Variants in PCSK5 observed in about 807,000 individuals in gnomAD.
PCSK5 encodes prohormone convertase 5.
A neutral mutation model predicts 233.2 loss-of-function variants in PCSK5; 129 were observed. That is an observed-to-expected ratio of 0.55 (90% CI 0.48 to 0.64). The LOEUF (loss-of-function observed/expected upper bound fraction) is 0.64, where lower values mean the gene tolerates loss of function less well. Ranked by LOEUF, PCSK5 falls within the 30% of genes least tolerant of loss-of-function variation. The pLI is 0.00. For synonymous variants in PCSK5, 825 were observed against 879.2 expected, an observed-to-expected ratio of 0.94 and a Z score of 1.09; for missense variants, 2,076 against 2,430.1, an observed-to-expected ratio of 0.85 and a Z score of 3.06.
At chr9:76,338,191 A>C (rs755483507) in intron 34 of PCSK5, 39 bp from the exon 35 acceptor site, 4 of 1,466,592 alleles carry the variant, frequency 2.7e-6, no homozygotes, top group Admixed American at 3.7e-5. Flanking sequence ...TTTAGGAGCA[A>C]AGCTTACTAT....
At chr9:76,008,937 T>G (rs1220157129) in intron 3 of PCSK5, among the ~76,000 whole-genome samples, 1 of 152,224 alleles carries the variant, frequency 6.6e-6, no homozygotes, top group African/African-American at 2.4e-5. Flanking sequence ...AAGCAATGAA[T>G]AACTTTTTAG....
intron 6 of PCSK5, among the ~76,000 whole-genome samples, chr9:76,069,215 T>A (rs573837870): frequency 6.6e-6 from 1 of 152,216 alleles, no homozygotes; most frequent in Non-Finnish European, 1.5e-5. Flanking sequence ...AAATTCTTCG[T>A]TCCCTGAAGA....
At chr9:76,076,123 T>C (rs1347502386) in intron 7 of PCSK5, among the ~76,000 whole-genome samples, 1 of 152,152 alleles carries the variant, frequency 6.6e-6, no homozygotes, top group Non-Finnish European at 1.5e-5. Context: ...GCCCATCATA[T>C]GAAGAACTAT....
chr9:76,114,034 G>C (rs1400943111), intron 9 of PCSK5, among the ~76,000 whole-genome samples: 1 of 152,008 alleles, frequency 6.6e-6, no homozygotes, highest in Non-Finnish European at 1.5e-5. Context: ...TAAAGAAGCA[G>C]GTATTCCACA....
chr9:76,295,270 T>C lies in PCSK5; in HGVS notation c.3186-5T>C, dbSNP rs1406014528. 8.1e-6 allele frequency: 13 copies of C among 1,607,804 alleles called. No homozygotes were observed. Among genetic ancestry groups the C allele is most frequent in the Non-Finnish European group, 1.1e-5 (13 of 1,177,104 alleles). On this transcript the variant is annotated splice_region_variant and splice_polypyrimidine_tract_variant and intron_variant, in intron 25 of 37. Transcript: ENST00000674117. ...CATGAAAGAAATGATGTCTTCTTCC[T>C]CTAGGTTTGATCACCATTGTTATAA...
At chr9:76,332,165 T>G (rs1348242073) in intron 33 of PCSK5, among the ~76,000 whole-genome samples, 1 of 152,032 alleles carries the variant, frequency 6.6e-6, no homozygotes, top group Non-Finnish European at 1.5e-5. Flanking sequence ...TCTGATGAGA[T>G]GAGATGGGAT....
At chr9:76,149,473 TTAAA>T (rs570223874) in intron 10 of PCSK5, among the ~76,000 whole-genome samples, 30 of 152,260 alleles carry the variant, frequency 2.0e-4, no homozygotes, top group African/African-American at 7.0e-4. Context: ...TAAAGGAAAA[TTAAA>T]TAAAGAATTA....
intron 6 of PCSK5, among the ~76,000 whole-genome samples, chr9:76,068,874 T>A (rs911404629): frequency 2.0e-5 from 3 of 152,162 alleles, no homozygotes; most frequent in African/African-American, 7.2e-5. Flanking sequence ...CAGATTGACC[T>A]CCTTGTTTCC....
At position 75,985,079 on chromosome 9, in the gene PCSK5, C is replaced by A. The variant is rs2131390894; in HGVS notation, c.298-1053C>A. Among the ~76,000 whole-genome samples the A allele has an allele frequency of 2.0e-5, 3 of 152,238 alleles. 1 individual carries two copies. Among genetic ancestry groups the A allele is most frequent in the African/African-American group, 7.2e-5 (3 of 41,560 alleles). On this transcript the variant is annotated intron_variant, in intron 2 of 37. Transcript: ENST00000674117. ...AATGGTAGAACAAAACATTCCAGAG[C>A]ATTGTGACTAAATGAGCTATCACCA...
rs111537842 is a variant in PCSK5, at chr9:76,096,214, C to G, written c.1107+112C>G. On this transcript the variant is annotated intron_variant, in intron 8 of 37. Transcript: ENST00000674117. ...ATACACACACACACACACACACACA[C>G]AGAAGTAATATATGGAAATAGGAAA... The G allele has an allele frequency of 1.2e-4, 80 of 677,722 alleles. No homozygotes were observed. The African/African-American group carries it at 1.2e-3, about 11-fold the overall frequency. The allele number at this position is 677,722 out of a possible 1,614,324, so 42.0% of individuals were successfully genotyped here.
intron 5 of PCSK5, among the ~76,000 whole-genome samples, chr9:76,030,390 A>G (rs1188567979): frequency 6.6e-6 from 1 of 152,198 alleles, no homozygotes; most frequent in Non-Finnish European, 1.5e-5. Context: ...AAATCAAGAT[A>G]ACAATTATCT....
chr9:76,285,080 G>A lies in PCSK5; in HGVS notation c.3143-7153G>A, dbSNP rs992540763. ...ATGGAGCTTAGAACTTTAGATTTCT[G>A]TTGTTGATTGAGATTGGAGAGTGGC... On this transcript the variant is annotated intron_variant, in intron 24 of 37. Transcript: ENST00000674117. Among the ~76,000 whole-genome samples the A allele has an allele frequency of 3.6e-4, 55 of 152,270 alleles. 1 individual carries two copies. Among genetic ancestry groups the A allele is most frequent in the African/African-American group, 1.3e-3 (55 of 41,562 alleles).
chr9:76,243,546 C>T (rs1040151302), intron 24 of PCSK5, among the ~76,000 whole-genome samples: 1 of 120,692 alleles, frequency 8.3e-6, no homozygotes, highest in African/African-American at 2.9e-5. Flanking sequence ...TGGCTGAACC[C>T]AATTGTCACC....
At chr9:76,323,029 T>C in intron 31 of PCSK5, 23 bp from the exon 32 acceptor site, 2 of 1,365,524 alleles carry the variant, frequency 1.5e-6, no homozygotes, top group Non-Finnish European at 1.0e-6. Context: ...CGGGGATAAC[T>C]TGCTGCTTCC....
At chr9:76,034,055 G>A (rs1828753432) in intron 5 of PCSK5, among the ~76,000 whole-genome samples, 1 of 152,160 alleles carries the variant, frequency 6.6e-6, no homozygotes, top group South Asian at 2.1e-4. Flanking sequence ...GCATTACACT[G>A]AAGTAAGTAA....
At chr9:76,179,778 G>C in intron 15 of PCSK5, 80 bp downstream of exon 15, 2 of 956,542 alleles carry the variant, frequency 2.1e-6, no homozygotes, top group Non-Finnish European at 3.4e-6. Flanking sequence ...ACCATGGGGT[G>C]TGTGCAGGCC....
intron 24 of PCSK5, among the ~76,000 whole-genome samples, chr9:76,267,176 G>C (rs1389032950): frequency 6.6e-6 from 1 of 152,118 alleles, no homozygotes; most frequent in East Asian, 1.9e-4. Context: ...TTCTAAAATG[G>C]AGCTCTTATT....
intron 20 of PCSK5, among the ~76,000 whole-genome samples, chr9:76,208,759 T>C (rs1236809134): frequency 6.6e-6 from 1 of 152,244 alleles, no homozygotes; most frequent in Non-Finnish European, 1.5e-5. Flanking sequence ...CAGAGAAGAA[T>C]AATTCTGATT....
chr9:76,316,611 A>T (rs1369087206), intron 30 of PCSK5, among the ~76,000 whole-genome samples: 1 of 151,352 alleles, frequency 6.6e-6, no homozygotes, highest in African/African-American at 2.4e-5. Context: ...GGCGGCACAC[A>T]CCTGTAGTCC....
Sources: allele counts gnomAD v4.1 joint callset (sites outside exome capture counted in the v4.1 genomes callset), GRCh38; gene constraint gnomAD v4.1.1; transcripts MANE v1.5; gene names NCBI Gene and HGNC (gene_info 2026-07-23, HGNC 2026-07-21).